DMD: variants seen among roughly 807,000 people sequenced by gnomAD.
DMD encodes the protein dystrophin, also known as mutant dystrophin.
DMD carries 63 observed loss-of-function variants against 330.1 expected under a neutral mutation model. The observed-to-expected ratio is 0.19, with a 90% CI of 0.16 to 0.24. The LOEUF is 0.24. Among genes scored for constraint, DMD ranks in the 10% least tolerant of loss-of-function variants. The pLI is 1.00. For missense variants in DMD, 3,344 were observed against 2,684.1 expected, an observed-to-expected ratio of 1.25 and a Z score of -5.43; for synonymous variants, 1,223 against 959.8, an observed-to-expected ratio of 1.27 and a Z score of -5.07.
At chrX:31,276,302 G>C (rs1022697458) in intron 62 of DMD, among the ~76,000 whole-genome samples, 1 of 111,884 alleles carries the variant, frequency 8.9e-6, no homozygotes, top group Non-Finnish European at 1.9e-5. Flanking sequence ...CTAGTGATCA[G>C]CCCACCTTGG....
At chrX:31,527,835 G>C (rs1183042605) in intron 55 of DMD, among the ~76,000 whole-genome samples, 1 of 111,486 alleles carries the variant, frequency 9.0e-6, no homozygotes, top group Admixed American at 9.5e-5. Context: ...GTTCTATATA[G>C]TTTTAGAAAT....
chrX:32,980,665 CATA>C (rs1389167667), intron 2 of DMD, among the ~76,000 whole-genome samples: 1 of 110,955 alleles, frequency 9.0e-6, no homozygotes, highest in East Asian at 2.8e-4. Flanking sequence ...TTTTCCGAAT[CATA>C]ATATTTTTCA....
intron 37 of DMD, among the ~76,000 whole-genome samples, chrX:32,356,497 A>G (rs914982696): frequency 2.0e-4 from 22 of 110,595 alleles, no homozygotes; most frequent in Non-Finnish European, 3.8e-4. Flanking sequence ...CAGTTGTAAT[A>G]CATATATATA....
intron 62 of DMD, among the ~76,000 whole-genome samples, chrX:31,278,142 C>T (rs765750137): frequency 4.5e-5 from 5 of 110,338 alleles, no homozygotes; most frequent in Admixed American, 1.9e-4. Context: ...TGCGTGTGTG[C>T]GTGTGTGTGT....
intron 56 of DMD, among the ~76,000 whole-genome samples, chrX:31,498,515 G>T (rs2070094907): frequency 8.9e-6 from 1 of 111,907 alleles, no homozygotes; most frequent in South Asian, 3.7e-4. Context: ...CATCATCCCA[G>T]TTACTAAATG....
chrX:32,398,621 G>C (rs776813653), intron 30 of DMD, among the ~76,000 whole-genome samples: 2 of 111,437 alleles, frequency 1.8e-5, no homozygotes, highest in Non-Finnish European at 3.8e-5. Context: ...ATTATTACTT[G>C]TAATATACCT....
At chrX:31,540,970 G>T (rs2073768197) in intron 55 of DMD, among the ~76,000 whole-genome samples, 2 of 111,963 alleles carry the variant, frequency 1.8e-5, no homozygotes, top group Admixed American at 1.9e-4. Flanking sequence ...TTTTGAGAGT[G>T]TGGGAGAAAA....
chrX:31,218,799 A>G (rs1383704406), intron 64 of DMD, among the ~76,000 whole-genome samples: 6 of 111,639 alleles, frequency 5.4e-5, no homozygotes, highest in African/African-American at 2.0e-4. Flanking sequence ...TAGCCTCTGC[A>G]GATCCTCTGG....
chrX:33,218,892 A>T (rs1365266310), intron 1 of DMD, among the ~76,000 whole-genome samples: 1 of 111,563 alleles, frequency 9.0e-6, no homozygotes, highest in Non-Finnish European at 1.9e-5. Flanking sequence ...TACTGTTGAG[A>T]CCATTTATTG....
intron 1 of DMD, among the ~76,000 whole-genome samples, chrX:33,288,915 C>G (rs1337401448): frequency 9.0e-6 from 1 of 110,946 alleles, no homozygotes; most frequent in East Asian, 2.9e-4. Context: ...GAAAAGGGCT[C>G]AGTTACTATA....
intron 43 of DMD, among the ~76,000 whole-genome samples, chrX:32,266,201 A>G (rs1397834172): frequency 9.0e-6 from 1 of 111,378 alleles, no homozygotes; most frequent in African/African-American, 3.3e-5. Context: ...CAATGGTTTT[A>G]TAAGGGGCTT....
intron 2 of DMD, among the ~76,000 whole-genome samples, chrX:32,987,105 G>T (rs1381520370): frequency 3.6e-5 from 4 of 111,930 alleles, no homozygotes; most frequent in African/African-American, 1.3e-4. Context: ...CAAAAGTCAT[G>T]GGACCTAAGG....
chrX:32,502,247 T>G (rs2044134025), intron 18 of DMD, among the ~76,000 whole-genome samples: 1 of 110,941 alleles, frequency 9.0e-6, no homozygotes, highest in South Asian at 3.8e-4. Flanking sequence ...AAAATCAAAT[T>G]GAGAATCCAG....
intron 21 of DMD, among the ~76,000 whole-genome samples, chrX:32,478,108 T>C (rs753484085): frequency 3.0e-4 from 33 of 111,780 alleles, no homozygotes; most frequent in African/African-American, 8.4e-4. Flanking sequence ...AGATAGAAGC[T>C]GGAAAAGGCA....
chrX:32,606,721 G>A (rs1198974048), intron 12 of DMD, among the ~76,000 whole-genome samples: 14 of 48,417 alleles, frequency 2.9e-4, no homozygotes, highest in African/African-American at 2.4e-3. Flanking sequence ...GTGTATATAC[G>A]CATATATATA....
rs766643653 is a variant in DMD at position 33,031,494 on chromosome X, C to T, written c.32-11294G>A. Among the ~76,000 whole-genome samples the T allele has an allele frequency of 7.2e-5, 8 of 110,759 alleles. No homozygotes were observed. In the South Asian group the frequency reaches 1.5e-3, roughly 21 times the overall value. The stretch of plus-strand genomic sequence containing the variant: ...GCAGTGTTAGAAAAGACTCATAGGC[C>T]GGGTGCAGTCTCTCATGTCTGTAAT... On this transcript the variant is annotated intron_variant, in intron 1 of 78. Coordinates refer to ENST00000357033, the MANE Select transcript of DMD (RefSeq NM_004006.3).
intron 24 of DMD, among the ~76,000 whole-genome samples, chrX:32,463,818 T>C (rs2098391921): frequency 8.9e-6 from 1 of 112,169 alleles, no homozygotes; most frequent in Admixed American, 9.5e-5. Context: ...TTATTTGTAT[T>C]CTACTTATAT....
intron 44 of DMD, among the ~76,000 whole-genome samples, chrX:32,021,774 T>C (rs974441790): frequency 1.8e-5 from 2 of 112,406 alleles, no homozygotes; most frequent in African/African-American, 6.4e-5. Flanking sequence ...TCCTATTACA[T>C]TAATTTCTCT....
intron 51 of DMD, among the ~76,000 whole-genome samples, chrX:31,744,206 C>T (rs1459396756): frequency 9.0e-6 from 1 of 111,205 alleles, no homozygotes; most frequent in East Asian, 2.8e-4. Flanking sequence ...CATGACATCT[C>T]AAAACAATTA....
Sources: gnomAD v4.1 joint callset for allele counts (sites outside exome capture counted in the v4.1 genomes callset) on GRCh38, gnomAD v4.1.1 for gene constraint, MANE v1.5 for transcripts, NCBI Gene and HGNC (gene_info 2026-07-23, HGNC 2026-07-21) for gene names.